The following KCNIP4 variants were observed in gnomAD, a reference collection of about 807,000 sequenced individuals.
KCNIP4 encodes the protein potassium voltage-gated channel interacting protein 4, also known as Kv channel-interacting protein 4.
KCNIP4 carries 12 observed loss-of-function variants against 34.0 expected under a neutral mutation model. That is an observed-to-expected ratio of 0.35 (90% CI 0.23 to 0.57). KCNIP4 has a LOEUF of 0.57. Ranked by LOEUF, KCNIP4 falls within the 20% of genes least tolerant of loss-of-function variation. KCNIP4 has a pLI of 0.83. For synonymous variants in KCNIP4, 124 were observed against 102.2 expected, an observed-to-expected ratio of 1.21 and a Z score of -1.29; for missense variants, 238 against 311.7, an observed-to-expected ratio of 0.76 and a Z score of 1.78.
chr4:21,141,067 CTT>C (rs1414901981), intron 1 of KCNIP4, among the ~76,000 whole-genome samples: 3 of 152,154 alleles, frequency 2.0e-5, no homozygotes, highest in Non-Finnish European at 2.9e-5. Flanking sequence ...GTCAGACAAA[CTT>C]TTTGATTTCC....
intron 1 of KCNIP4, among the ~76,000 whole-genome samples, chr4:21,868,398 A>G (rs752693454): frequency 6.6e-6 from 1 of 152,332 alleles, no homozygotes; most frequent in Non-Finnish European, 1.5e-5. Context: ...ATTAAAATTT[A>G]AAAAAGAGGT....
chr4:20,933,290 C>A (rs1013538728), intron 1 of KCNIP4, among the ~76,000 whole-genome samples: 2 of 151,902 alleles, frequency 1.3e-5, no homozygotes, highest in Non-Finnish European at 2.9e-5. Context: ...TATAAACAAG[C>A]TAATTGTACC....
chr4:21,460,676 T>C (rs1003694438), intron 1 of KCNIP4, among the ~76,000 whole-genome samples: 1 of 152,076 alleles, frequency 6.6e-6, no homozygotes, highest in Non-Finnish European at 1.5e-5. Context: ...CTCATTTAAT[T>C]ACCTAATTAC....
intron 1 of KCNIP4, among the ~76,000 whole-genome samples, chr4:21,084,822 T>G (rs1746280582): frequency 6.6e-6 from 1 of 151,498 alleles, no homozygotes; most frequent in Admixed American, 6.6e-5. Flanking sequence ...TCTCAACACA[T>G]GTTTTCTTGA....
At chr4:20,758,672 A>G (rs1343353347) in intron 4 of KCNIP4, 149 bp downstream of exon 4, 7 of 623,392 alleles carry the variant, frequency 1.1e-5, no homozygotes, top group Non-Finnish European at 1.9e-5. Flanking sequence ...TTTATGGTAC[A>G]TTAAAAATTA....
chr4:20,995,799 CG>C (rs1737500964), intron 1 of KCNIP4, among the ~76,000 whole-genome samples: 1 of 152,018 alleles, frequency 6.6e-6, no homozygotes, highest in Admixed American at 6.6e-5. Context: ...ATGTTGACAC[CG>C]GTTATGTACC....
At chr4:20,984,346 G>A (rs1039916083) in intron 1 of KCNIP4, among the ~76,000 whole-genome samples, 2 of 152,226 alleles carry the variant, frequency 1.3e-5, no homozygotes, top group African/African-American at 2.4e-5. Context: ...ACGCGAGGCT[G>A]GGCAGATCTG....
At chr4:21,874,466 G>T (rs1425965267) in intron 1 of KCNIP4, among the ~76,000 whole-genome samples, 1 of 152,136 alleles carries the variant, frequency 6.6e-6, no homozygotes, top group Non-Finnish European at 1.5e-5. Flanking sequence ...TAGAATGTAT[G>T]TTCTCTGGGA....
intron 1 of KCNIP4, among the ~76,000 whole-genome samples, chr4:21,166,556 A>T (rs954554772): frequency 6.6e-6 from 1 of 152,222 alleles, no homozygotes; most frequent in Non-Finnish European, 1.5e-5. Flanking sequence ...AACAGAAAGC[A>T]TATAGACATA....
At chr4:21,157,000 C>A in intron 1 of KCNIP4, among the ~76,000 whole-genome samples, 1 of 151,996 alleles carries the variant, frequency 6.6e-6, no homozygotes, top group Non-Finnish European at 1.5e-5. Context: ...CTCATTGGCA[C>A]AATAATATGG....
At chr4:21,755,719 G>A (rs1184455786) in intron 1 of KCNIP4, among the ~76,000 whole-genome samples, 2 of 152,138 alleles carry the variant, frequency 1.3e-5, no homozygotes, top group African/African-American at 4.8e-5. Flanking sequence ...AAAACCTGTA[G>A]TTAATCAAAT....
intron 2 of KCNIP4, among the ~76,000 whole-genome samples, chr4:20,872,688 AC>A (rs1409599843): frequency 6.6e-6 from 1 of 152,116 alleles, no homozygotes; most frequent in Non-Finnish European, 1.5e-5. Flanking sequence ...ATTACATAAA[AC>A]AAAGAAGGCT....
Position 21,083,883 on chromosome 4 carries a change from T to C in KCNIP4, c.62-201174A>G, listed in dbSNP as rs573157178. Among the ~76,000 whole-genome samples, 11 of 152,020 alleles carry C rather than the reference T, an allele frequency of 7.2e-5. No homozygotes were observed. The South Asian group carries it at 1.9e-3, about 26-fold the overall frequency. On this transcript the variant is annotated intron_variant, in intron 1 of 8. Transcript: ENST00000382152. ...TGTAAAAGCACTGCATGTTTACCTC[T>C]GGCTCTGTGAAATCACAGGAAGTAC... is the stretch of plus-strand genomic sequence containing the variant.
chr4:21,605,559 C>A lies in KCNIP4; in HGVS notation c.61+343012G>T, dbSNP rs569245951. 5.3e-5 allele frequency among the ~76,000 whole-genome samples: 8 copies of A among 152,230 alleles called. 1 individual carries two copies. In the East Asian group the frequency reaches 7.7e-4, roughly 15 times the overall value. On this transcript the variant is annotated intron_variant, in intron 1 of 8. Coordinates refer to ENST00000382152, the MANE Select transcript of KCNIP4 (RefSeq NM_025221.6). ...GCAGTGGCGTGATCTCGGCTCATTG[C>A]AACCTTTGTCTCCCAGGTTCAAGCG...
chr4:20,785,404 G>A (rs571337293), intron 3 of KCNIP4, among the ~76,000 whole-genome samples: 7 of 145,886 alleles, frequency 4.8e-5, no homozygotes, highest in African/African-American at 1.8e-4. Flanking sequence ...TGACCCACTT[G>A]CTTCTCAAAC....
intron 1 of KCNIP4, among the ~76,000 whole-genome samples, chr4:21,140,209 T>C (rs10007205): frequency 0.083 from 12,575 of 152,124 alleles, 823 homozygotes; most frequent in African/African-American, 0.17. Flanking sequence ...TTTTGCTGGT[T>C]ACTACCTGTG....
intron 1 of KCNIP4, among the ~76,000 whole-genome samples, chr4:21,279,864 AT>A (rs993986497): frequency 1.3e-5 from 2 of 152,124 alleles, no homozygotes; most frequent in East Asian, 1.9e-4. Context: ...TCAGCTTAAA[AT>A]TTTTTTCCAT....
chr4:21,175,708 G>C (rs1458781247), intron 1 of KCNIP4, among the ~76,000 whole-genome samples: 1 of 152,174 alleles, frequency 6.6e-6, no homozygotes, highest in Non-Finnish European at 1.5e-5. Context: ...ACAAAGGGAG[G>C]ATTCATGTCC....
chr4:21,424,707 T>C (rs2109641479), intron 1 of KCNIP4, among the ~76,000 whole-genome samples: 1 of 152,304 alleles, frequency 6.6e-6, no homozygotes, highest in South Asian at 2.1e-4. Context: ...CTAAGATTTA[T>C]AAAATCTAAG....
Sources: allele counts gnomAD v4.1 joint callset (sites outside exome capture counted in the v4.1 genomes callset), GRCh38; gene constraint gnomAD v4.1.1; transcripts MANE v1.5; gene names NCBI Gene and HGNC (gene_info 2026-07-23, HGNC 2026-07-21).